The following POFUT1 variants were observed in gnomAD, a reference collection of about 807,000 sequenced individuals.
POFUT1 encodes GDP-fucose protein O-fucosyltransferase 1.
A neutral mutation model predicts 42.4 loss-of-function variants in POFUT1; 16 were observed. The observed-to-expected ratio is 0.38, with a 90% CI of 0.26 to 0.57. POFUT1 has a LOEUF of 0.57. POFUT1 is among the 20% of genes least tolerant of loss of function. The probability of loss-of-function intolerance (pLI) is 0.71; values close to 1 mark genes in which losing one functional copy is unlikely to be tolerated. For synonymous variants in POFUT1, 206 were observed against 205.4 expected (o/e 1.00, Z -0.03); for missense variants, 470 against 504.6 (o/e 0.93, Z 0.66).
intron 4 of POFUT1, among the ~76,000 whole-genome samples, chr20:32,224,643 C>T (rs2047406022): frequency 6.6e-6 from 1 of 152,144 alleles, no homozygotes; most frequent in East Asian, 1.9e-4. Flanking sequence ...ACAGGGAACA[C>T]TCCCTAAGGA....
intron 4 of POFUT1, chr20:32,223,305 T>G: frequency 2.0e-6 from 2 of 985,422 alleles, no homozygotes; most frequent in Non-Finnish European, 1.2e-6. Context: ...CCTCATTCTT[T>G]CCAGACAGCG....
intron 4 of POFUT1, among the ~76,000 whole-genome samples, chr20:32,224,720 G>T (rs1278844820): frequency 6.6e-6 from 1 of 152,244 alleles, no homozygotes; most frequent in African/African-American, 2.4e-5. Flanking sequence ...AGCAGTCTCT[G>T]TTGGGTGTGG....
At chr20:32,214,070 A>G (rs2047345274) in intron 2 of POFUT1, among the ~76,000 whole-genome samples, 1 of 152,070 alleles carries the variant, frequency 6.6e-6, no homozygotes, top group African/African-American at 2.4e-5. Context: ...TCCAAAGTGC[A>G]AGAACTTCTG....
intron 4 of POFUT1, among the ~76,000 whole-genome samples, chr20:32,225,831 A>G (rs1464717165): frequency 1.3e-5 from 2 of 152,168 alleles, no homozygotes; most frequent in South Asian, 2.1e-4. Flanking sequence ...AAACAGCTTT[A>G]TGATGTGGGA....
chr20:32,215,794 A>G (rs2047356930), intron 3 of POFUT1, among the ~76,000 whole-genome samples: 1 of 152,232 alleles, frequency 6.6e-6, no homozygotes, highest in Non-Finnish European at 1.5e-5. Flanking sequence ...TATGTATGTC[A>G]GGTACCACGC....
rs1205636358 is a variant in POFUT1 at position 32,236,145 on chromosome 20, G to GTTTAA, written c.*1484_*1485insTTTAA. On this transcript the variant is annotated 3_prime_UTR_variant, in exon 7 of 7. Coordinates refer to ENST00000375749, the MANE Select transcript of POFUT1 (RefSeq NM_015352.2). ...TTAAGTCCTGGGTGGACTGAGAGAT[G>GTTTAA]GTTTGCCTGTCCAGACTTGCTCTCA... is the stretch of plus-strand genomic sequence containing the variant. 1.3e-5 allele frequency: 2 copies of GTTTAA among 152,254 alleles called. No homozygotes were observed. Among genetic ancestry groups the GTTTAA allele is most frequent in the Non-Finnish European group, 2.9e-5 (2 of 68,084 alleles). The allele number at this position is 152,254 out of a possible 1,614,324, so 9.4% of individuals were successfully genotyped here.
chr20:32,210,267 C>T, intron 2 of POFUT1, 75 bp downstream of exon 2: 3 of 1,518,346 alleles, frequency 2.0e-6, no homozygotes, highest in Non-Finnish European at 2.7e-6. Context: ...ACCCTCAAGT[C>T]CTCTGGGCTT....
intron 4 of POFUT1, among the ~76,000 whole-genome samples, chr20:32,219,630 G>A (rs1383690006): frequency 6.6e-6 from 1 of 151,470 alleles, no homozygotes; most frequent in Non-Finnish European, 1.5e-5. Flanking sequence ...CCAAGTAGCT[G>A]GGACTACAGG....
chr20:32,237,934 T>TA lies in POFUT1; in HGVS notation c.*3274dup, dbSNP rs1264667756. On this transcript the variant is annotated 3_prime_UTR_variant, in exon 7 of 7. Coordinates refer to ENST00000375749, the MANE Select transcript of POFUT1 (RefSeq NM_015352.2). The stretch of plus-strand genomic sequence containing the variant: ...ATTATTTTTCAGTCTTTTTCAAAGA[T>TA]ACAAATATTTACATAGTTTTAATCA... 2.2e-6 allele frequency: 1 copy of TA among 450,182 alleles called. No homozygotes were observed. Among genetic ancestry groups the TA allele is most frequent in the African/African-American group, 2.0e-5 (1 of 48,834 alleles). The allele number at this position is 450,182 out of a possible 1,614,324, so 27.9% of individuals were successfully genotyped here.
At position 32,210,168 on chromosome 20, in the gene POFUT1, G is replaced by A; in HGVS notation, c.222G>A (p.Gln74=). 6.2e-7 allele frequency: 1 copy of A among 1,614,134 alleles called. No individual in the cohort carries two copies. The highest frequency in any genetic ancestry group is 8.5e-7 in the Non-Finnish European group (1 of 1,180,000). The change falls in exon 2 of 7, where the codon CAG becomes CAA. Residue 74 remains glutamine, a synonymous_variant. Transcript: ENST00000375749. ...TLAVPPWIEY[Q]HHKPPFTNLH... ...CTGTCCCTCCTTGGATTGAGTACCAGCATCACAAGCCTCCTTTCACCAACG... is the reference window on the plus strand; with the variant it reads ...CTGTCCCTCCTTGGATTGAGTACCAACATCACAAGCCTCCTTTCACCAACG...
chr20:32,228,051 G>A (rs563125229), intron 4 of POFUT1, among the ~76,000 whole-genome samples: 3 of 152,126 alleles, frequency 2.0e-5, no homozygotes, highest in African/African-American at 2.4e-5. Flanking sequence ...TCCATGTGGC[G>A]GGACAGTATT....
rs979270171 is a variant in POFUT1 at position 32,207,902 on chromosome 20, C to G, written c.-40C>G. 1 of 1,551,980 alleles carries G rather than the reference C, an allele frequency of 6.4e-7. No individual in the cohort carries two copies. The highest frequency in any genetic ancestry group is 1.8e-5 in the Admixed American group (1 of 54,824). ...GGCGCTCGCGTCCCTCCTTCCCTCC[C>G]CGACTGTGCGCCGCGGCTGGCTCGG... On this transcript the variant is annotated 5_prime_UTR_variant, in exon 1 of 7. Transcript: ENST00000375749.
intron 2 of POFUT1, among the ~76,000 whole-genome samples, chr20:32,213,777 A>AG (rs1355404970): frequency 3.3e-5 from 5 of 152,206 alleles, no homozygotes; most frequent in African/African-American, 1.2e-4. Flanking sequence ...TCTCAAAAAA[A>AG]AAGAAAATTA....
intron 1 of POFUT1, among the ~76,000 whole-genome samples, chr20:32,208,433 C>T (rs2122557887): frequency 6.6e-6 from 1 of 152,180 alleles, no homozygotes; most frequent in South Asian, 2.1e-4. Flanking sequence ...CTGTGCCGGG[C>T]CCTGTTCTCT....
In POFUT1 at chr20:32,216,659, C is replaced by A. The variant is rs373374751; in HGVS notation, c.480C>A (p.Asn160Lys). ...GGGATCAGTTTCATGTGAGTTTCAACAAGTCGGAGCTTTTTACAGGCATTT... is the reference window on the plus strand; with the variant it reads ...GGGATCAGTTTCATGTGAGTTTCAAAAAGTCGGAGCTTTTTACAGGCATTT... ...PFWDQFHVSFNKSELFTGISF... is the reference protein window; with the variant it reads ...PFWDQFHVSFKKSELFTGISF... Residue 160 changes from asparagine (N) to lysine (K), a missense_variant, in exon 4 of 7, where the codon AAC becomes AAA. Physicochemically the swap from Asn to Lys is moderately conservative, Grantham distance 94. Coordinates refer to ENST00000375749, the MANE Select transcript of POFUT1 (RefSeq NM_015352.2). 1.5e-5 allele frequency: 24 copies of A among 1,613,870 alleles called. No homozygotes were observed. The highest frequency in any genetic ancestry group is 1.9e-5 in the Non-Finnish European group (23 of 1,179,850).
rs764592453 is a variant in POFUT1, at chr20:32,215,334, C to T, written c.312C>T (p.Ser104=). 1.2e-6 allele frequency: 2 copies of T among 1,614,150 alleles called. No individual in the cohort carries two copies. Among genetic ancestry groups the T allele is most frequent in the Non-Finnish European group, 1.7e-6 (2 of 1,179,994 alleles). Residue 104 remains serine, a synonymous_variant, in exon 3 of 7, where the codon AGC becomes AGT. Transcript: ENST00000375749. ...TCCAGGCTTACCATCGGGTCATCAG[C>T]TTGGAGGATTTCATGGAGAAGCTGG... ...EPLQAYHRVI[S]LEDFMEKLAP... is the part of the protein sequence containing the mutation.
chr20:32,228,467 C>T lies in POFUT1; in HGVS notation c.735+12C>T, dbSNP rs6141275. ...TTGGCTCTGACTGGGTAACTTCCCC[C>T]TTCCTCTCTCACTGGCTAACTTGGA... is the stretch of plus-strand genomic sequence containing the variant. On this transcript the variant is annotated intron_variant, in intron 5 of 6. Transcript: ENST00000375749. 1.9e-6 allele frequency: 3 copies of T among 1,610,976 alleles called. No homozygotes were observed. The highest frequency in any genetic ancestry group is 1.1e-5 in the South Asian group (1 of 90,656).
intron 6 of POFUT1, among the ~76,000 whole-genome samples, chr20:32,232,350 T>A (rs1007134683): frequency 6.6e-6 from 1 of 151,912 alleles, no homozygotes; most frequent in African/African-American, 2.4e-5. Context: ...AAGAAAAATA[T>A]AATTAAGAGA....
Position 32,222,061 on chromosome 20 carries a change from G to C in POFUT1, c.542+5340G>C, listed in dbSNP as rs568713450. On this transcript the variant is annotated intron_variant, in intron 4 of 6. Coordinates refer to ENST00000375749, the MANE Select transcript of POFUT1 (RefSeq NM_015352.2). ...ACCTGTAATCCCAGCACTTTGGGAGGCAGAGGCAGGCGGATCACTTGAGGT... is the reference window on the plus strand; with the variant it reads ...ACCTGTAATCCCAGCACTTTGGGAGCCAGAGGCAGGCGGATCACTTGAGGT... Among the ~76,000 whole-genome samples, 230 of 152,210 alleles carry C rather than the reference G, an allele frequency of 1.5e-3. 2 individuals carry two copies. Among genetic ancestry groups the C allele is most frequent in the African/African-American group, 5.1e-3 (213 of 41,514 alleles).
Sources: allele counts gnomAD v4.1 joint callset (sites outside exome capture counted in the v4.1 genomes callset), GRCh38; gene constraint gnomAD v4.1.1; transcripts MANE v1.5; gene names NCBI Gene and HGNC (gene_info 2026-07-23, HGNC 2026-07-21).